The following MTOR variants were observed in gnomAD, a reference collection of about 807,000 sequenced individuals.
The protein encoded by MTOR is serine/threonine-protein kinase mTOR.
Under a neutral mutation model 319.8 loss-of-function variants are expected in MTOR, and 70 were observed. That is an observed-to-expected ratio of 0.22 (90% CI 0.18 to 0.27). The LOEUF (loss-of-function observed/expected upper bound fraction) is 0.27. Among genes scored for constraint, MTOR ranks in the 10% least tolerant of loss-of-function variants. The pLI, the probability that MTOR is intolerant of heterozygous loss-of-function variation, is 1.00. For missense variants in MTOR, 1,890 were observed against 3,274.4 expected (o/e 0.58, Z 10.32); for synonymous variants, 1,183 against 1,211.4 (o/e 0.98, Z 0.49).
chr1:11,142,691 T>C (rs1375115758), intron 34 of MTOR, among the ~76,000 whole-genome samples: 2 of 152,122 alleles, frequency 1.3e-5, no homozygotes, highest in East Asian at 1.9e-4. Context: ...CATGAACCCA[T>C]GGAGCTGTCC....
At chr1:11,158,192 C>T (rs1644374470) in intron 29 of MTOR, among the ~76,000 whole-genome samples, 2 of 152,300 alleles carry the variant, frequency 1.3e-5, no homozygotes, top group South Asian at 2.1e-4. Flanking sequence ...TATTTTTGCA[C>T]AGGCAAGGGT....
chr1:11,216,343 C>T, intron 19 of MTOR, 109 bp from the exon 20 acceptor site: 1 of 740,486 alleles, frequency 1.4e-6, no homozygotes, highest in East Asian at 2.7e-5. Flanking sequence ...TGGGTTTCCA[C>T]ACTACACTAT....
At position 11,253,270 on chromosome 1, in the gene MTOR, T is replaced by C. The variant is rs186002031; in HGVS notation, c.840+569A>G. On this transcript the variant is annotated intron_variant, in intron 6 of 57. Coordinates refer to ENST00000361445, the MANE Select transcript of MTOR (RefSeq NM_004958.4). ...CACCTTCTCAAGCCAACACATCTCC[T>C]AATTGGTCTCCCTGCTTTCATTCCT... is the stretch of plus-strand genomic sequence containing the variant. Among the ~76,000 whole-genome samples, 62 of 152,326 alleles carry C rather than the reference T, an allele frequency of 4.1e-4. No individual in the cohort carries two copies. In the East Asian group the frequency reaches 0.011, roughly 28 times the overall value.
intron 32 of MTOR, among the ~76,000 whole-genome samples, chr1:11,146,408 G>T (rs1643931205): frequency 1.3e-5 from 2 of 152,108 alleles, no homozygotes; most frequent in African/African-American, 4.8e-5. Flanking sequence ...TACAACAAGG[G>T]ATACAATGAT....
rs1157197717 is a variant in MTOR, at chr1:11,232,537, T to C, written c.2422-9A>G. The C allele has an allele frequency of 1.2e-6, 2 of 1,607,840 alleles. No homozygotes were observed. Among genetic ancestry groups the C allele is most frequent in the South Asian group, 1.1e-5 (1 of 90,670 alleles). The stretch of plus-strand genomic sequence containing the variant: ...ATTTCCAGGCCACTAACCTGCAAAA[T>C]GAAAAAGAGGGTGGCAGAAAGGGTT... On this transcript the variant is annotated splice_polypyrimidine_tract_variant and intron_variant, in intron 15 of 57. Transcript: ENST00000361445.
At chr1:11,185,671 T>C (rs1645296503) in intron 28 of MTOR, among the ~76,000 whole-genome samples, 1 of 152,128 alleles carries the variant, frequency 6.6e-6, no homozygotes, top group African/African-American at 2.4e-5. Context: ...TCTAATAGGT[T>C]CAGGACACAT....
At chr1:11,194,722 G>A in intron 28 of MTOR, 1 of 1,609,324 alleles carries the variant, frequency 6.2e-7, no homozygotes, top group Admixed American at 1.7e-5. Context: ...CACTTGAGGA[G>A]AAAGAGTGAA....
intron 29 of MTOR, among the ~76,000 whole-genome samples, chr1:11,166,478 C>G (rs569464639): frequency 1.4e-4 from 22 of 152,182 alleles, no homozygotes; most frequent in African/African-American, 5.3e-4. Context: ...TTTATGCAGC[C>G]AAAAGACACA....
At chr1:11,143,043 T>C (rs1030434205) in intron 34 of MTOR, among the ~76,000 whole-genome samples, 1 of 152,208 alleles carries the variant, frequency 6.6e-6, no homozygotes, top group Non-Finnish European at 1.5e-5. Context: ...AATGCTTTAC[T>C]TTCAGGCCTT....
intron 19 of MTOR, among the ~76,000 whole-genome samples, chr1:11,218,863 A>G (rs78583876): frequency 0.018 from 2,667 of 152,220 alleles, 76 homozygotes; most frequent in African/African-American, 0.061. Context: ...CTCCCCCACT[A>G]TGAAAAGCCT....
chr1:11,115,539 G>A lies in MTOR; in HGVS notation c.7017-71C>T, dbSNP rs928149717. The A allele has an allele frequency of 7.0e-7, 1 of 1,438,418 alleles. No homozygotes were observed. The highest frequency in any genetic ancestry group is 1.1e-5 in the South Asian group (1 of 87,256). The allele number at this position is 1,438,418 out of a possible 1,614,324, so 89.1% of individuals were successfully genotyped here. On this transcript the variant is annotated intron_variant, in intron 50 of 57. Coordinates refer to ENST00000361445, the MANE Select transcript of MTOR (RefSeq NM_004958.4). This position sits in a 1 kb window ranked among gnomAD's most constrained non-coding sequence, Gnocchi z 4.5. The stretch of plus-strand genomic sequence containing the variant: ...CGGATGAAAAAATCAATAAGTACGT[G>A]ATACTGTAAGCTAGGAGTTGGCAAA...
intron 25 of MTOR, among the ~76,000 whole-genome samples, chr1:11,206,386 G>A (rs1646138835): frequency 6.6e-6 from 1 of 152,176 alleles, no homozygotes; most frequent in Admixed American, 6.5e-5. Flanking sequence ...ATGCTATCTA[G>A]GTCAAATCCC....
chr1:11,212,551 C>A lies in MTOR; in HGVS notation c.3399-77G>T. 1 of 1,517,022 alleles carries A rather than the reference C, an allele frequency of 6.6e-7. No individual in the cohort carries two copies. The allele number at this position is 1,517,022 out of a possible 1,614,324, so 94.0% of individuals were successfully genotyped here. Reference sequence around the variant, plus strand: ...GAGACGTGACTGAGGGTGAGCTTAACAATCAGCACCAAAGGGATGGGAATG... The same window carrying A: ...GAGACGTGACTGAGGGTGAGCTTAAAAATCAGCACCAAAGGGATGGGAATG... On this transcript the variant is annotated intron_variant, in intron 22 of 57. Coordinates refer to ENST00000361445, the MANE Select transcript of MTOR (RefSeq NM_004958.4). This position sits in a 1 kb window ranked among gnomAD's most constrained non-coding sequence, Gnocchi z 4.1.
At chr1:11,142,124 A>C (rs1033906879) in intron 34 of MTOR, among the ~76,000 whole-genome samples, 3 of 152,222 alleles carry the variant, frequency 2.0e-5, no homozygotes, top group Non-Finnish European at 4.4e-5. Context: ...CGGCTGCCTA[A>C]GGGTATTTCA....
In MTOR at chr1:11,173,875, T is replaced by C. The variant is rs533637566; in HGVS notation, c.4254-6358A>G. Among the ~76,000 whole-genome samples the C allele has an allele frequency of 5.3e-5, 8 of 152,212 alleles. 1 individual carries two copies. In the South Asian group the frequency reaches 1.7e-3, roughly 32 times the overall value. On this transcript the variant is annotated intron_variant, in intron 28 of 57. Transcript: ENST00000361445. ...GTTTGGGATCTTAATTTTTTCTTCT[T>C]CCTCCATGCCTTCTGGCACTCCATC...
At chr1:11,118,523 C>T (rs1319069411) in intron 49 of MTOR, among the ~76,000 whole-genome samples, 3 of 151,286 alleles carry the variant, frequency 2.0e-5, no homozygotes, top group African/African-American at 4.9e-5. Flanking sequence ...GCGTGAACCA[C>T]CGTGCCTGGT....
intron 29 of MTOR, among the ~76,000 whole-genome samples, chr1:11,162,102 G>A (rs531997687): frequency 2.6e-5 from 4 of 152,314 alleles, no homozygotes; most frequent in African/African-American, 9.6e-5. Context: ...ACCTGATGGA[G>A]ATGAAAACCA....
intron 28 of MTOR, among the ~76,000 whole-genome samples, chr1:11,172,251 A>T (rs557867067): frequency 2.0e-5 from 3 of 152,170 alleles, no homozygotes; most frequent in African/African-American, 7.2e-5. Flanking sequence ...CAGTAAGAAC[A>T]TAATCATTAA....
chr1:11,215,208 C>T (rs1646431496), intron 20 of MTOR, among the ~76,000 whole-genome samples: 1 of 152,166 alleles, frequency 6.6e-6, no homozygotes, highest in East Asian at 1.9e-4. Flanking sequence ...ACTTCATCCT[C>T]CTCCCATGAG....
Sources: allele counts gnomAD v4.1 joint callset (sites outside exome capture counted in the v4.1 genomes callset), GRCh38; gene constraint gnomAD v4.1.1; non-coding constraint Gnocchi (gnomAD v3.1); transcripts MANE v1.5; gene names NCBI Gene and HGNC (gene_info 2026-07-23, HGNC 2026-07-21).